MAML3: variants seen among roughly 807,000 people sequenced by gnomAD.
MAML3 encodes the protein mastermind like transcriptional coactivator 3, also known as mastermind-like protein 3.
In MAML3, 27 loss-of-function variants were observed where a neutral mutation model predicts 101.9. The ratio of observed to expected loss-of-function variants is 0.27; its 90% CI spans 0.20 to 0.37. The LOEUF (loss-of-function observed/expected upper bound fraction) is 0.37, where lower values mean the gene tolerates loss of function less well. MAML3 is among the 10% of genes least tolerant of loss of function. The pLI is 1.00. For missense variants in MAML3, 1,316 were observed against 1,444.9 expected (o/e 0.91, Z 1.45); for synonymous variants, 501 against 555.9 (o/e 0.90, Z 1.39).
intron 1 of MAML3, among the ~76,000 whole-genome samples, chr4:140,074,259 A>AAGAAAGAG (rs2110959110): frequency 6.6e-6 from 1 of 150,450 alleles, no homozygotes; most frequent in South Asian, 2.1e-4. Context: ...GAAAGAAAGA[A>AAGAAAGAG]AGAGGACATG....
intron 2 of MAML3, among the ~76,000 whole-genome samples, chr4:139,788,298 C>T (rs1345787489): frequency 6.6e-6 from 1 of 152,144 alleles, no homozygotes; most frequent in Non-Finnish European, 1.5e-5. Context: ...GAGCCTTCCG[C>T]ACTCCCTCCC....
intron 1 of MAML3, among the ~76,000 whole-genome samples, chr4:139,970,203 T>C (rs1397283223): frequency 1.3e-5 from 2 of 152,168 alleles, no homozygotes; most frequent in Non-Finnish European, 2.9e-5. Flanking sequence ...ATAATTAAAT[T>C]GAACTGAGAG....
At chr4:139,935,585 C>T (rs148738799) in intron 1 of MAML3, among the ~76,000 whole-genome samples, 210 of 151,242 alleles carry the variant, frequency 1.4e-3, no homozygotes, top group African/African-American at 4.9e-3. Flanking sequence ...ATAGGGCTTC[C>T]TTTATCTAAC....
chr4:139,727,795 T>A (rs1728537372), intron 3 of MAML3, among the ~76,000 whole-genome samples: 1 of 152,244 alleles, frequency 6.6e-6, no homozygotes, highest in Non-Finnish European at 1.5e-5. Context: ...CAAATCCTTC[T>A]GTTTTCCCTC....
chr4:140,055,977 C>T (rs1727342861), intron 1 of MAML3, among the ~76,000 whole-genome samples: 1 of 151,958 alleles, frequency 6.6e-6, no homozygotes, highest in African/African-American at 2.4e-5. Context: ...AAGAAAAGCA[C>T]ATGGAAAGAA....
intron 2 of MAML3, among the ~76,000 whole-genome samples, chr4:139,810,329 AC>A (rs2111111597): frequency 6.6e-6 from 1 of 151,598 alleles, no homozygotes; most frequent in East Asian, 2.0e-4. Flanking sequence ...AGTAGCTGGC[AC>A]TATAGGCACA....
At chr4:140,099,261 G>A (rs370408008) in intron 1 of MAML3, among the ~76,000 whole-genome samples, 4 of 139,316 alleles carry the variant, frequency 2.9e-5, no homozygotes, top group South Asian at 4.7e-4. Context: ...ACACACACAC[G>A]TGCACACAAA....
chr4:140,117,425 T>A (rs558987241), intron 1 of MAML3, among the ~76,000 whole-genome samples: 1 of 152,130 alleles, frequency 6.6e-6, no homozygotes, highest in African/African-American at 2.4e-5. Context: ...AAGCATACTC[T>A]AACTATATAA....
intron 1 of MAML3, among the ~76,000 whole-genome samples, chr4:139,961,610 C>A (rs1021258917): frequency 4.6e-5 from 7 of 152,220 alleles, no homozygotes; most frequent in Admixed American, 4.6e-4. Context: ...TCCTATGAGC[C>A]AGAAAGTAGA....
At chr4:139,943,888 T>TTTTTTTA (rs1733654458) in intron 1 of MAML3, among the ~76,000 whole-genome samples, 5 of 143,538 alleles carry the variant, frequency 3.5e-5, no homozygotes, top group East Asian at 2.0e-4. Flanking sequence ...TTTTTTTTTT[T>TTTTTTTA]GAGACGGAAT....
chr4:139,919,448 G>A (rs1733084315), intron 1 of MAML3, among the ~76,000 whole-genome samples: 1 of 152,134 alleles, frequency 6.6e-6, no homozygotes, highest in African/African-American at 2.4e-5. Context: ...GGGCAATTTG[G>A]ATGTCATAAC....
At chr4:140,032,459 T>C (rs374424887) in intron 1 of MAML3, among the ~76,000 whole-genome samples, 13 of 152,232 alleles carry the variant, frequency 8.5e-5, no homozygotes, top group African/African-American at 2.7e-4. Context: ...AATTGTTAAT[T>C]GGTTTTAGTA....
intron 1 of MAML3, among the ~76,000 whole-genome samples, chr4:140,009,303 A>C (rs748889707): frequency 4.6e-5 from 7 of 152,148 alleles, no homozygotes; most frequent in Non-Finnish European, 7.3e-5. Flanking sequence ...CTTGTGCTGC[A>C]CAGGAAGTGT....
At chr4:139,835,858 A>G (rs1247571339) in intron 2 of MAML3, among the ~76,000 whole-genome samples, 1 of 152,244 alleles carries the variant, frequency 6.6e-6, no homozygotes, top group Non-Finnish European at 1.5e-5. Flanking sequence ...AAGGAAGTCA[A>G]TTTAAACGCA....
chr4:139,816,945 A>G (rs551477838), intron 2 of MAML3, among the ~76,000 whole-genome samples: 2 of 152,260 alleles, frequency 1.3e-5, no homozygotes, highest in Non-Finnish European at 2.9e-5. Flanking sequence ...TTATATTACA[A>G]TTAGAAAGAA....
At chr4:140,061,414 C>G (rs1441807093) in intron 1 of MAML3, among the ~76,000 whole-genome samples, 4 of 152,216 alleles carry the variant, frequency 2.6e-5, no homozygotes, top group Admixed American at 2.0e-4. Context: ...AGACAGCAAT[C>G]TAGCACAGCT....
intron 2 of MAML3, among the ~76,000 whole-genome samples, chr4:139,824,111 C>T (rs1203422578): frequency 1.3e-5 from 2 of 152,134 alleles, no homozygotes; most frequent in African/African-American, 4.8e-5. Context: ...TTTCTCTTAA[C>T]ATCTGATGAC....
intron 1 of MAML3, among the ~76,000 whole-genome samples, chr4:140,063,927 G>A (rs999858581): frequency 2.0e-5 from 3 of 152,130 alleles, no homozygotes; most frequent in African/African-American, 7.2e-5. Context: ...GATGCTATAG[G>A]TGGATATGAA....
intron 1 of MAML3, among the ~76,000 whole-genome samples, chr4:140,092,323 G>A (rs1459434222): frequency 6.6e-6 from 1 of 151,756 alleles, no homozygotes; most frequent in African/African-American, 2.4e-5. Context: ...CAAGGACACC[G>A]GTTTCCAAAA....
Sources: allele counts gnomAD v4.1 joint callset (sites outside exome capture counted in the v4.1 genomes callset), GRCh38; gene constraint gnomAD v4.1.1; transcripts MANE v1.5; gene names NCBI Gene and HGNC (gene_info 2026-07-23, HGNC 2026-07-21).